Variants in ZMPSTE24 observed in about 807,000 individuals in gnomAD.
The protein encoded by ZMPSTE24 is zinc metallopeptidase STE24, also known as CAAX prenyl protease 1 homolog.
In ZMPSTE24, 48 loss-of-function variants were observed where a neutral mutation model predicts 56.7. That is an observed-to-expected ratio of 0.85 (90% CI 0.67 to 1.08). The LOEUF (loss-of-function observed/expected upper bound fraction) is 1.08, where lower values mean the gene tolerates loss of function less well. Among genes scored for constraint, ZMPSTE24 ranks in the 50% least tolerant of loss-of-function variants. The pLI is 0.00. For synonymous variants in ZMPSTE24, 172 were observed against 195.2 expected, an observed-to-expected ratio of 0.88 and a Z score of 0.99; for missense variants, 503 against 548.7, an observed-to-expected ratio of 0.92 and a Z score of 0.83.
At chr1:40,268,202 A>G (rs1403816567) in intron 3 of ZMPSTE24, among the ~76,000 whole-genome samples, 1 of 152,214 alleles carries the variant, frequency 6.6e-6, no homozygotes, top group Admixed American at 6.5e-5. Context: ...TACCTTTCAT[A>G]TAGTGCCTGT....
At chr1:40,290,745 A>T (rs1389901857) in intron 8 of ZMPSTE24, 109 bp from the exon 9 acceptor site, 6 of 1,366,778 alleles carry the variant, frequency 4.4e-6, no homozygotes, top group Non-Finnish European at 1.0e-6. Context: ...TACAGGCGTG[A>T]GCCACCGCGC....
At chr1:40,264,837 C>T (rs12097896) in intron 2 of ZMPSTE24, among the ~76,000 whole-genome samples, 1 of 140,596 alleles carries the variant, frequency 7.1e-6, no homozygotes, top group African/African-American at 2.7e-5. Context: ...TGTGATCACA[C>T]TGCTGTACCC....
Position 40,271,990 on chromosome 1 carries a change from G to T in ZMPSTE24, c.724G>T (p.Ala242Ser), listed in dbSNP as rs772647434. The T allele has an allele frequency of 2.5e-6, 4 of 1,613,034 alleles. No individual in the cohort carries two copies. Among genetic ancestry groups the T allele is most frequent in the Non-Finnish European group, 3.4e-6 (4 of 1,179,426 alleles). The part of the protein sequence containing the change: ...GKLKEEIEVM[A>S]KSIDFPLTKV... Reference sequence around the variant, plus strand: ...GCTTAAAGAAGAAATTGAAGTAATGGCAAAGAGTATTGACTTTCCTTTGAC... The same window carrying T: ...GCTTAAAGAAGAAATTGAAGTAATGTCAAAGAGTATTGACTTTCCTTTGAC... Residue 242 changes from alanine (A) to serine (S), a missense_variant, in exon 6 of 10, where the codon GCA becomes TCA. Coordinates refer to ENST00000372759, the MANE Select transcript of ZMPSTE24 (RefSeq NM_005857.5).
chr1:40,275,573 G>A (rs1643661413), intron 6 of ZMPSTE24, among the ~76,000 whole-genome samples: 1 of 151,984 alleles, frequency 6.6e-6, no homozygotes, highest in Admixed American at 6.6e-5. Context: ...CCAACATGGT[G>A]AAACCCCATC....
intron 2 of ZMPSTE24, among the ~76,000 whole-genome samples, chr1:40,266,202 G>C (rs902870027): frequency 6.6e-6 from 1 of 152,074 alleles, no homozygotes; most frequent in South Asian, 2.1e-4. Context: ...AATTAGATTG[G>C]AAGGGTACCC....
chr1:40,268,716 T>C (rs1643581645), intron 4 of ZMPSTE24, among the ~76,000 whole-genome samples, 181 bp downstream of exon 4: 1 of 152,122 alleles, frequency 6.6e-6, no homozygotes, highest in South Asian at 2.1e-4. Context: ...CTCTGGCCAG[T>C]TGCCCTGGCA....
rs747662954 is a variant in ZMPSTE24 at position 40,290,884 on chromosome 1, G to A, written c.1090G>A (p.Ala364Thr). The change falls in exon 9 of 10, where the codon GCT (alanine) becomes ACT (threonine). Residue 364 changes from alanine (A) to threonine (T), a missense_variant. By Grantham distance (58) the Ala-to-Thr change is moderately conservative. Transcript: ENST00000372759. ...MNSFLCFFLFAVLIGRKELFA... is the reference protein window; with the variant it reads ...MNSFLCFFLFTVLIGRKELFA... The stretch of plus-strand genomic sequence containing the variant: ...TTCTTTCCTGTGTTTTTTTTTATTT[G>A]CTGTATTAATTGGTCGAAAGGAGCT... 2 of 1,611,992 alleles carry A rather than the reference G, an allele frequency of 1.2e-6. No homozygotes were observed. Among genetic ancestry groups the A allele is most frequent in the Non-Finnish European group, 8.5e-7 (1 of 1,179,212 alleles).
intron 6 of ZMPSTE24, among the ~76,000 whole-genome samples, chr1:40,275,549 C>G (rs981374423): frequency 2.0e-5 from 3 of 151,798 alleles, no homozygotes; most frequent in Non-Finnish European, 4.4e-5. Flanking sequence ...GTCAAGAGTT[C>G]GAGACCAGCC....
Position 40,267,852 on chromosome 1 carries a change from G to C in ZMPSTE24, c.337G>C (p.Gly113Arg). 6.2e-7 allele frequency: 1 copy of C among 1,613,464 alleles called. No homozygotes were observed. Among genetic ancestry groups the C allele is most frequent in the South Asian group, 1.1e-5 (1 of 91,068 alleles). The change falls in exon 3 of 10, where the codon GGC becomes CGC. Residue 113 changes from glycine (G) to arginine (R), a missense_variant. Transcript: ENST00000372759. The part of the protein sequence containing the change: ...RLSGRFCGYA[G>R]FGPEYEITQS... Reference sequence around the variant, plus strand: ...TTCTGGACGGTTCTGTGGTTATGCTGGCTTTGGACCAGAATATGAGGTATG... The same window carrying C: ...TTCTGGACGGTTCTGTGGTTATGCTCGCTTTGGACCAGAATATGAGGTATG...
At chr1:40,273,701 C>CTT (rs139588597) in intron 6 of ZMPSTE24, among the ~76,000 whole-genome samples, 15 of 143,644 alleles carry the variant, frequency 1.0e-4, no homozygotes, top group African/African-American at 1.0e-4. Flanking sequence ...AATAACTACT[C>CTT]TTTTTTTTTT....
Position 40,258,467 on chromosome 1 carries a change from G to C in ZMPSTE24, c.123+73G>C, listed in dbSNP as rs572377559. ...GGAGTAGCCTTGGCTTCGACCCTGA[G>C]ACTCTTGATTGCTTCGGTCCCCGCG... On this transcript the variant is annotated intron_variant, in intron 1 of 9. Coordinates refer to ENST00000372759, the MANE Select transcript of ZMPSTE24 (RefSeq NM_005857.5). The C allele has an allele frequency of 9.3e-6, 15 of 1,608,824 alleles. No individual in the cohort carries two copies. The Admixed American group carries it at 1.8e-4, about 20-fold the overall frequency.
rs1204538356 is a variant in ZMPSTE24 at position 40,260,179 on chromosome 1, G to GC, written c.124-654dup. 5.4e-5 allele frequency among the ~76,000 whole-genome samples: 8 copies of GC among 146,834 alleles called. No homozygotes were observed. The Admixed American group carries it at 5.6e-4, about 10-fold the overall frequency. On this transcript the variant is annotated intron_variant, in intron 1 of 9. Coordinates refer to ENST00000372759, the MANE Select transcript of ZMPSTE24 (RefSeq NM_005857.5). ...AGGCTCAAGTGATCCTCCCACCTCA[G>GC]CCCCCCAAATAGCTGGGACCACAGG...
chr1:40,273,516 T>TAAAAA (rs1205861105), intron 6 of ZMPSTE24, among the ~76,000 whole-genome samples: 1 of 10,586 alleles, frequency 9.4e-5, no homozygotes, highest in Non-Finnish European at 1.5e-4. Context: ...AAATTCTGTC[T>TAAAAA]AAAAAAAAAA....
intron 6 of ZMPSTE24, among the ~76,000 whole-genome samples, chr1:40,272,452 CAAAG>C (rs1643623085): frequency 6.6e-6 from 1 of 152,176 alleles, no homozygotes; most frequent in Non-Finnish European, 1.5e-5. Context: ...GGCTCTTAAA[CAAAG>C]CCAGTGTTAT....
chr1:40,284,550 G>A (rs1350449397), intron 7 of ZMPSTE24, among the ~76,000 whole-genome samples: 4 of 151,824 alleles, frequency 2.6e-5, no homozygotes, highest in African/African-American at 4.8e-5. Context: ...TCAGGAGTTC[G>A]AGACCAGCCT....
chr1:40,280,913 T>G (rs1199998967), intron 6 of ZMPSTE24, among the ~76,000 whole-genome samples: 5 of 152,226 alleles, frequency 3.3e-5, no homozygotes, highest in African/African-American at 1.2e-4. Flanking sequence ...AAACCGCAAT[T>G]ACTTTTGCAC....
chr1:40,277,109 G>A (rs1299026738), intron 6 of ZMPSTE24, among the ~76,000 whole-genome samples: 15 of 141,896 alleles, frequency 1.1e-4, no homozygotes, highest in African/African-American at 2.4e-4. Context: ...TTTTTGAGAC[G>A]GAATCTTGCT....
chr1:40,271,133 T>G (rs1643610795), intron 5 of ZMPSTE24, among the ~76,000 whole-genome samples: 2 of 152,170 alleles, frequency 1.3e-5, no homozygotes, highest in Admixed American at 1.3e-4. Flanking sequence ...GGCATGATCA[T>G]AGTGCACTAC....
intron 6 of ZMPSTE24, among the ~76,000 whole-genome samples, chr1:40,276,589 T>C (rs1349224870): frequency 6.6e-6 from 1 of 152,256 alleles, no homozygotes; most frequent in Non-Finnish European, 1.5e-5. Context: ...TTCTCAAATA[T>C]GTTACTTCAT....
Sources: allele counts gnomAD v4.1 joint callset (sites outside exome capture counted in the v4.1 genomes callset), GRCh38; gene constraint gnomAD v4.1.1; transcripts MANE v1.5; gene names NCBI Gene and HGNC (gene_info 2026-07-23, HGNC 2026-07-21).